COQ8A: variants seen among roughly 807,000 people sequenced by gnomAD.
The protein encoded by COQ8A is atypical kinase COQ8A, mitochondrial.
Under a neutral mutation model 65.0 loss-of-function variants are expected in COQ8A, and 51 were observed. The ratio of observed to expected loss-of-function variants is 0.78; its 90% confidence interval spans 0.63 to 0.99. COQ8A has a LOEUF of 0.99. COQ8A is among the 50% of genes least tolerant of loss of function. The pLI is 0.00. For missense variants in COQ8A, 940 were observed against 875.0 expected, an observed-to-expected ratio of 1.07 and a Z score of -0.94; for synonymous variants, 371 against 353.2, an observed-to-expected ratio of 1.05 and a Z score of -0.57.
chr1:226,965,607 G>T (rs1658515708), intron 3 of COQ8A, 64 bp from the exon 4 acceptor site: 29 of 1,569,716 alleles, frequency 1.8e-5, no homozygotes, highest in Non-Finnish European at 2.4e-5. Flanking sequence ...GGCAACAGGA[G>T]CCTCTGAAGG....
At chr1:226,964,341 T>C (rs547371593) in intron 2 of COQ8A, among the ~76,000 whole-genome samples, 1 of 152,308 alleles carries the variant, frequency 6.6e-6, no homozygotes, top group African/African-American at 2.4e-5. Flanking sequence ...AGGTCACTCC[T>C]GGTTCAGAAG....
chr1:226,961,472 C>G lies in COQ8A; in HGVS notation c.87C>G (p.His29Gln). 2 of 1,613,884 alleles carry G rather than the reference C, an allele frequency of 1.2e-6. No individual in the cohort carries two copies. Among genetic ancestry groups the G allele is most frequent in the Non-Finnish European group, 1.7e-6 (2 of 1,179,984 alleles). ...CGGCCGTGGAAACCCACCTGCAGCA[C>G]TTGGGCATCGGAGGGGAGCTGATCA... ...TQAAVETHLQ[H>Q]LGIGGELIMA... is the part of the protein sequence containing the mutation. The change falls in exon 2 of 15, where the codon CAC becomes CAG. Residue 29 changes from histidine (H) to glutamine (Q), a missense_variant. His to Gln is a conservative substitution (Grantham distance 24). Coordinates refer to ENST00000366777, the MANE Select transcript of COQ8A (RefSeq NM_020247.5).
chr1:226,968,909 A>T (rs539358947), intron 4 of COQ8A, among the ~76,000 whole-genome samples: 130 of 152,202 alleles, frequency 8.5e-4, no homozygotes, highest in Non-Finnish European at 1.3e-3. Flanking sequence ...AGAAAGGGTC[A>T]TATATTGGAT....
chr1:226,980,647 C>A (rs1361519873), intron 5 of COQ8A, among the ~76,000 whole-genome samples: 1 of 152,242 alleles, frequency 6.6e-6, no homozygotes, highest in Non-Finnish European at 1.5e-5. Context: ...TCGCTCTGCC[C>A]ATGGGTCATA....
intron 1 of COQ8A, among the ~76,000 whole-genome samples, chr1:226,945,687 T>C (rs1220921744): frequency 6.6e-6 from 1 of 152,244 alleles, no homozygotes; most frequent in East Asian, 1.9e-4. Flanking sequence ...TGTTTACACC[T>C]GCTTGGTGCT....
rs187622638 is a variant in COQ8A at position 226,953,178 on chromosome 1, T to C, written c.-9-8199T>C. Among the ~76,000 whole-genome samples, 1,181 of 152,218 alleles carry C rather than the reference T, an allele frequency of 7.8e-3. 4 individuals are homozygous for C. Among genetic ancestry groups the C allele is most frequent in the South Asian group, 0.018 (85 of 4,814 alleles). On this transcript the variant is annotated intron_variant, in intron 1 of 14. Transcript: ENST00000366777. ...CCGAGTAGCTGGGATTACAGGCGCA[T>C]GCCACCACGCTTGGATAACTTTCGT...
Position 226,965,656 on chromosome 1 carries a change from C to T in COQ8A, c.589-15C>T, listed in dbSNP as rs1240639903. 6 of 1,613,872 alleles carry T rather than the reference C, an allele frequency of 3.7e-6. No individual in the cohort carries two copies. The highest frequency in any genetic ancestry group is 4.2e-6 in the Non-Finnish European group (5 of 1,180,008). Reference sequence around the variant, plus strand: ...CTTGGCTGATTCCACAGGTCTCTTTCTCGTCTCCCTCCAGCTCAGCGAGCA... The same window carrying T: ...CTTGGCTGATTCCACAGGTCTCTTTTTCGTCTCCCTCCAGCTCAGCGAGCA... On this transcript the variant is annotated splice_polypyrimidine_tract_variant and intron_variant, in intron 3 of 14. Coordinates refer to ENST00000366777, the MANE Select transcript of COQ8A (RefSeq NM_020247.5).
At chr1:226,978,463 A>ACC in intron 5 of COQ8A, among the ~76,000 whole-genome samples, 1 of 127,034 alleles carries the variant, frequency 7.9e-6, no homozygotes, top group Non-Finnish European at 1.7e-5. Context: ...CACACCCTCC[A>ACC]CACCCACCAA....
intron 2 of COQ8A, among the ~76,000 whole-genome samples, chr1:226,962,656 G>A (rs761424281): frequency 7.2e-5 from 11 of 152,294 alleles, no homozygotes; most frequent in Non-Finnish European, 1.5e-4. Flanking sequence ...GGCCGTCGCA[G>A]CCCCCAGGCA....
chr1:226,984,055 G>A lies in COQ8A; in HGVS notation c.1257-39G>A, dbSNP rs367834081. ...TGTGTGGGGGGGGGGACGGTGTGGAGGGCCTGTGGCTAGGGCGTGACCTCC... is the reference window on the plus strand; with the variant it reads ...TGTGTGGGGGGGGGGACGGTGTGGAAGGCCTGTGGCTAGGGCGTGACCTCC... On this transcript the variant is annotated intron_variant, in intron 10 of 14. Transcript: ENST00000366777. The A allele has an allele frequency of 4.9e-4, 796 of 1,611,834 alleles. 3 individuals are homozygous for A. In the African/African-American group the frequency reaches 9.5e-3, roughly 19 times the overall value.
intron 1 of COQ8A, among the ~76,000 whole-genome samples, chr1:226,948,824 G>C (rs1276740015): frequency 6.6e-6 from 1 of 152,224 alleles, no homozygotes; most frequent in Non-Finnish European, 1.5e-5. Context: ...CAGCAAGTTA[G>C]ATCAGCTGTC....
chr1:226,985,443 C>G, intron 14 of COQ8A, 103 bp downstream of exon 14: 1 of 1,375,658 alleles, frequency 7.3e-7, no homozygotes, highest in African/African-American at 1.4e-5. Flanking sequence ...TCAAGGGGCC[C>G]CCAGAGCCCG....
chr1:226,961,349 TC>T, intron 1 of COQ8A, 27 bp from the exon 2 acceptor site: 1 of 1,612,586 alleles, frequency 6.2e-7, no homozygotes, highest in Non-Finnish European at 8.5e-7. Flanking sequence ...GCCTGGGGCC[TC>T]CCCTGACTTG....
intron 1 of COQ8A, among the ~76,000 whole-genome samples, chr1:226,955,251 T>C (rs1290635351): frequency 1.3e-5 from 2 of 152,004 alleles, no homozygotes; most frequent in East Asian, 3.8e-4. Flanking sequence ...GAGGTACCTA[T>C]AGGTGGTTGG....
At position 226,982,078 on chromosome 1, in the gene COQ8A, A is replaced by G. The variant is rs771143366; in HGVS notation, c.782A>G (p.Glu261Gly). Residue 261 changes from glutamate to glycine, a missense_variant, in exon 6 of 15, where the codon GAG (glutamate) becomes GGG (glycine). By Grantham distance (98) the Glu-to-Gly change is moderately conservative. Transcript: ENST00000366777. ...SSPFLSEANA[E>G]RIVRTLCKVR... The stretch of plus-strand genomic sequence containing the variant: ...CCTTTCCTGTCCGAGGCCAATGCAG[A>G]GCGGATCGTGCGCACGCTCTGCAAG... 3 of 1,612,754 alleles carry G rather than the reference A, an allele frequency of 1.9e-6. No homozygotes were observed. The Admixed American group carries it at 5.0e-5, about 27-fold the overall frequency.
chr1:226,955,565 A>C (rs1338561456), intron 1 of COQ8A, among the ~76,000 whole-genome samples: 1 of 14,542 alleles, frequency 6.9e-5, no homozygotes, highest in Non-Finnish European at 1.4e-4. Context: ...CCTGGCTCCC[A>C]CTCCCTGGGT....
intron 1 of COQ8A, 63 bp from the exon 2 acceptor site, chr1:226,961,314 G>T: frequency 6.4e-7 from 1 of 1,554,218 alleles, no homozygotes; most frequent in Non-Finnish European, 8.9e-7. Context: ...GTGTGGAGTT[G>T]GTAGTGTGGG....
intron 5 of COQ8A, among the ~76,000 whole-genome samples, chr1:226,981,106 T>C (rs1659658745): frequency 6.6e-6 from 1 of 152,226 alleles, no homozygotes; most frequent in Non-Finnish European, 1.5e-5. Flanking sequence ...AAGCTCCGAA[T>C]GTCACAAGGG....
At chr1:226,945,826 G>A (rs1034002482) in intron 1 of COQ8A, among the ~76,000 whole-genome samples, 5 of 152,378 alleles carry the variant, frequency 3.3e-5, no homozygotes, top group South Asian at 4.1e-4. Context: ...CAGTGACTGC[G>A]TCCCCTGCTC....
Sources: gnomAD v4.1 joint callset for allele counts (sites outside exome capture counted in the v4.1 genomes callset) on GRCh38, gnomAD v4.1.1 for gene constraint, MANE v1.5 for transcripts, NCBI Gene and HGNC (gene_info 2026-07-23, HGNC 2026-07-21) for gene names.